ZEB1: variants seen among roughly 807,000 people sequenced by gnomAD.
The protein encoded by ZEB1 is zinc finger E-box binding homeobox 1, also known as zinc finger E-box-binding homeobox 1.
A neutral mutation model predicts 84.9 loss-of-function variants in ZEB1; 21 were observed. The observed-to-expected ratio is 0.25, with a 90% CI of 0.18 to 0.36. The LOEUF is 0.36. ZEB1 is among the 10% of genes least tolerant of loss of function. The pLI is 1.00. For missense variants in ZEB1, 1,104 were observed against 1,330.2 expected, an observed-to-expected ratio of 0.83 and a Z score of 2.65; for synonymous variants, 420 against 471.1, an observed-to-expected ratio of 0.89 and a Z score of 1.41.
At position 31,405,411 on chromosome 10, in the gene ZEB1, G is replaced by A. The variant is rs140431535; in HGVS notation, c.59-55626G>A. Among the ~76,000 whole-genome samples the A allele has an allele frequency of 5.5e-4, 83 of 152,226 alleles. 1 individual carries two copies. The East Asian group carries it at 0.014, about 26-fold the overall frequency. ...ATTGTATGTCTGAATTACCTACTAC[G>A]TGCTGGGCTTTACCCAGAAAAGTGT... On this transcript the variant is annotated intron_variant, in intron 1 of 8. Coordinates refer to ENST00000424869, the MANE Select transcript of ZEB1 (RefSeq NM_001174096.2).
intron 4 of ZEB1, among the ~76,000 whole-genome samples, chr10:31,505,548 G>GT (rs1282572146): frequency 2.0e-5 from 3 of 151,842 alleles, no homozygotes; most frequent in African/African-American, 7.2e-5. Context: ...AGGTTTTTCA[G>GT]TTTTTTCATG....
At chr10:31,472,072 G>C (rs1258694419) in intron 2 of ZEB1, among the ~76,000 whole-genome samples, 2 of 149,758 alleles carry the variant, frequency 1.3e-5, no homozygotes, top group African/African-American at 5.1e-5. Context: ...GTGTGTAGAG[G>C]GAAATTTATA....
At chr10:31,455,573 A>G (rs1025640511) in intron 1 of ZEB1, among the ~76,000 whole-genome samples, 1 of 139,328 alleles carries the variant, frequency 7.2e-6, no homozygotes, top group South Asian at 2.1e-4. Flanking sequence ...CAAGAAAAAA[A>G]CAACCCCATC....
At chr10:31,332,632 T>A (rs2037039404) in intron 1 of ZEB1, among the ~76,000 whole-genome samples, 1 of 152,166 alleles carries the variant, frequency 6.6e-6, no homozygotes. Context: ...CTGGTATATG[T>A]TTTTATTTGA....
intron 1 of ZEB1, among the ~76,000 whole-genome samples, chr10:31,458,715 A>G (rs1186801456): frequency 6.6e-6 from 1 of 152,130 alleles, no homozygotes; most frequent in Non-Finnish European, 1.5e-5. Flanking sequence ...CTAATCTGAT[A>G]AGTATATATA....
At chr10:31,421,773 A>G (rs897091014) in intron 1 of ZEB1, among the ~76,000 whole-genome samples, 2 of 152,116 alleles carry the variant, frequency 1.3e-5, no homozygotes, top group African/African-American at 4.8e-5. Context: ...ATATTTTATT[A>G]TAATTTATTT....
chr10:31,444,689 G>GT (rs1428766859), intron 1 of ZEB1, among the ~76,000 whole-genome samples: 1 of 151,992 alleles, frequency 6.6e-6, no homozygotes, highest in Non-Finnish European at 1.5e-5. Context: ...CCCATTGCTT[G>GT]TTTTTCTCAG....
At chr10:31,357,657 A>G (rs2042328296) in intron 1 of ZEB1, among the ~76,000 whole-genome samples, 1 of 152,184 alleles carries the variant, frequency 6.6e-6, no homozygotes, top group Admixed American at 6.5e-5. Context: ...GTAAAATTCT[A>G]AAGTTTTCTA....
chr10:31,373,933 A>G (rs1406012224), intron 1 of ZEB1, among the ~76,000 whole-genome samples: 2 of 151,674 alleles, frequency 1.3e-5, no homozygotes, highest in Non-Finnish European at 3.0e-5. Flanking sequence ...TCTCCTGAAT[A>G]TATTTGATTC....
intron 1 of ZEB1, among the ~76,000 whole-genome samples, chr10:31,384,812 C>T (rs1046286020): frequency 1.3e-5 from 2 of 152,140 alleles, no homozygotes; most frequent in African/African-American, 4.8e-5. Context: ...AGTTTGTTTT[C>T]CCTTTTCGCC....
chr10:31,321,810 A>G, intron 1 of ZEB1: 1 of 491,996 alleles, frequency 2.0e-6, no homozygotes, highest in South Asian at 2.6e-5. Context: ...TCAACAGGAA[A>G]GAGAGGTTCT....
At position 31,447,670 on chromosome 10, in the gene ZEB1, A is replaced by T. The variant is rs1459708686; in HGVS notation, c.59-13367A>T. Reference sequence around the variant, plus strand: ...AAAGGATTTTATTTCTCCTTCACTTATGAAGCTTAGTTTGGCTGGATATGA... The same window carrying T: ...AAAGGATTTTATTTCTCCTTCACTTTTGAAGCTTAGTTTGGCTGGATATGA... On this transcript the variant is annotated intron_variant, in intron 1 of 8. Coordinates refer to ENST00000424869, the MANE Select transcript of ZEB1 (RefSeq NM_001174096.2). Among the ~76,000 whole-genome samples the T allele has an allele frequency of 4.7e-5, 7 of 149,292 alleles. No individual in the cohort carries two copies. In the South Asian group the frequency reaches 1.5e-3, roughly 33 times the overall value.
intron 1 of ZEB1, among the ~76,000 whole-genome samples, chr10:31,459,834 T>A (rs1220945693): frequency 1.1e-4 from 4 of 35,540 alleles, no homozygotes; most frequent in Non-Finnish European, 2.0e-4. Flanking sequence ...CTCAGGAGTG[T>A]GTGTGTGTGT....
chr10:31,506,900 C>A (rs977360078), intron 4 of ZEB1, among the ~76,000 whole-genome samples: 7 of 151,846 alleles, frequency 4.6e-5, no homozygotes, highest in African/African-American at 1.7e-4. Context: ...CTTTCTCTTT[C>A]TTATTTGTAC....
chr10:31,461,176 A>G lies in ZEB1; in HGVS notation c.198A>G (p.Thr66=). ...AGGATGACCTGCCAACAGACCAGAC[A>G]GTGTTACCAGGGAGGAGCAGTGAAA... ...VPEDDLPTDQ[T]VLPGRSSERE... The change falls in exon 2 of 9, where the codon ACA becomes ACG. Residue 66 remains threonine (T), a synonymous_variant. Transcript: ENST00000424869. 1 of 1,613,598 alleles carries G rather than the reference A, an allele frequency of 6.2e-7. No individual in the cohort carries two copies. Among genetic ancestry groups the G allele is most frequent in the South Asian group, 1.1e-5 (1 of 91,058 alleles).
chr10:31,373,650 C>A (rs1346818547), intron 1 of ZEB1, among the ~76,000 whole-genome samples: 2 of 151,698 alleles, frequency 1.3e-5, no homozygotes, highest in Non-Finnish European at 3.0e-5. Flanking sequence ...AGTATAATAT[C>A]ATATGACAAA....
chr10:31,484,193 G>A (rs545686404), intron 2 of ZEB1, among the ~76,000 whole-genome samples: 17 of 151,956 alleles, frequency 1.1e-4, no homozygotes, highest in African/African-American at 3.4e-4. Context: ...CCACCTTGAG[G>A]TCCATAATTT....
chr10:31,401,986 A>G (rs897220345), intron 1 of ZEB1, among the ~76,000 whole-genome samples: 2 of 152,092 alleles, frequency 1.3e-5, no homozygotes, highest in African/African-American at 4.8e-5. Flanking sequence ...AGAAGAAGAA[A>G]AAAAAAACCC....
intron 1 of ZEB1, among the ~76,000 whole-genome samples, chr10:31,444,462 G>C (rs1220370144): frequency 6.6e-6 from 1 of 151,956 alleles, no homozygotes; most frequent in Non-Finnish European, 1.5e-5. Context: ...CATTGCTTTT[G>C]GTGTTTTAGA....
Sources: allele counts gnomAD v4.1 joint callset (sites outside exome capture counted in the v4.1 genomes callset), GRCh38; gene constraint gnomAD v4.1.1; transcripts MANE v1.5; gene names NCBI Gene and HGNC (gene_info 2026-07-23, HGNC 2026-07-21).